MB21D2: variants seen among roughly 807,000 people sequenced by gnomAD.
The protein encoded by MB21D2 is Mab-21 domain containing 2.
A neutral mutation model predicts 33.3 loss-of-function variants in MB21D2; 9 were observed. The observed-to-expected ratio is 0.27, with a 90% confidence interval of 0.16 to 0.47. The LOEUF (loss-of-function observed/expected upper bound fraction) is 0.47, where lower values mean the gene tolerates loss of function less well. Ranked by LOEUF, MB21D2 falls within the 20% of genes least tolerant of loss-of-function variation. The probability of loss-of-function intolerance (pLI) is 0.99; values close to 1 mark genes in which losing one functional copy is unlikely to be tolerated. For missense variants in MB21D2, 540 were observed against 624.6 expected (o/e 0.86, Z 1.44); for synonymous variants, 241 against 236.3 (o/e 1.02, Z -0.18).
intron 1 of MB21D2, among the ~76,000 whole-genome samples, chr3:192,915,803 C>T (rs1714451254): frequency 6.6e-6 from 1 of 152,078 alleles, no homozygotes. Flanking sequence ...TTAAATTTAC[C>T]CTCCCTACAT....
intron 1 of MB21D2, among the ~76,000 whole-genome samples, chr3:192,876,177 C>T (rs764711047): frequency 1.3e-5 from 2 of 152,118 alleles, no homozygotes; most frequent in Non-Finnish European, 2.9e-5. Context: ...CCAGGCACTG[C>T]CAACTCAGCA....
At chr3:192,893,391 T>C (rs1244708133) in intron 1 of MB21D2, among the ~76,000 whole-genome samples, 1 of 152,138 alleles carries the variant, frequency 6.6e-6, no homozygotes, top group African/African-American at 2.4e-5. Context: ...GGTTTTGATA[T>C]CAGTAAGAGG....
At chr3:192,845,798 G>A (rs1046799714) in intron 1 of MB21D2, among the ~76,000 whole-genome samples, 9 of 152,320 alleles carry the variant, frequency 5.9e-5, no homozygotes, top group South Asian at 2.1e-4. Context: ...GTGGCTGGGG[G>A]CCAGGCGCGG....
intron 1 of MB21D2, among the ~76,000 whole-genome samples, chr3:192,915,183 C>G (rs952707670): frequency 6.6e-6 from 1 of 152,070 alleles, no homozygotes; most frequent in East Asian, 1.9e-4. Flanking sequence ...ACCCTCCACC[C>G]CCCCGCCCTG....
rs142595224 is a variant in MB21D2, at chr3:192,846,284, C to A, written c.212-46634G>T. 1.3e-3 allele frequency among the ~76,000 whole-genome samples: 203 copies of A among 152,056 alleles called. 1 individual carries two copies. Among genetic ancestry groups the A allele is most frequent in the African/African-American group, 4.6e-3 (189 of 41,478 alleles). On this transcript the variant is annotated intron_variant, in intron 1 of 1. Transcript: ENST00000392452. ...TGCACATCTGAGATACATAAAATAA[C>A]AGTAATAAAAACAAGAGTAATAACA...
intron 1 of MB21D2, among the ~76,000 whole-genome samples, chr3:192,820,944 T>A (rs529855075): frequency 2.6e-5 from 4 of 152,274 alleles, no homozygotes; most frequent in African/African-American, 7.2e-5. Flanking sequence ...TTATATATAT[T>A]TTTTGTAGAG....
chr3:192,815,612 AG>A (rs150578430), intron 1 of MB21D2, among the ~76,000 whole-genome samples: 9,773 of 152,240 alleles, frequency 0.064, 1,071 homozygotes, highest in African/African-American at 0.22. Context: ...TGAAGAGCTG[AG>A]ATTGGCTACT....
chr3:192,822,538 G>A (rs1308651406), intron 1 of MB21D2, among the ~76,000 whole-genome samples: 1 of 152,206 alleles, frequency 6.6e-6, no homozygotes, highest in African/African-American at 2.4e-5. Context: ...CCACCACGGG[G>A]AAGTGCTACT....
At chr3:192,917,426 A>T (rs1339990534) in intron 1 of MB21D2, among the ~76,000 whole-genome samples, 1 of 152,176 alleles carries the variant, frequency 6.6e-6, no homozygotes, top group Non-Finnish European at 1.5e-5. Context: ...ACCCGGCGTA[A>T]AGTATAGTAA....
chr3:192,797,703 T>C lies in MB21D2; in HGVS notation c.*683A>G, dbSNP rs1378301539. ...ATAATTACATATGCTAAAATTAACA[T>C]TTGGAAACCTTAATTCTGCTTGGAA... On this transcript the variant is annotated 3_prime_UTR_variant, in exon 2 of 2. Transcript: ENST00000392452. 1 of 152,620 alleles carries C rather than the reference T, an allele frequency of 6.6e-6. No homozygotes were observed. 9.5% of individuals were successfully genotyped at this position (152,620 alleles called of 1,614,324 possible). A position where few individuals can be genotyped will look rare whatever the true frequency, so the allele number is the denominator to read the frequency against.
At chr3:192,850,854 C>T (rs1050179153) in intron 1 of MB21D2, among the ~76,000 whole-genome samples, 1 of 152,206 alleles carries the variant, frequency 6.6e-6, no homozygotes, top group African/African-American at 2.4e-5. Context: ...CATTTAAGAC[C>T]TTTGTAACTT....
intron 1 of MB21D2, among the ~76,000 whole-genome samples, chr3:192,807,731 G>GTA (rs1329968081): frequency 2.0e-5 from 3 of 152,132 alleles, no homozygotes; most frequent in Admixed American, 2.0e-4. Context: ...CACACAGTAA[G>GTA]TATGAGCGTC....
intron 1 of MB21D2, among the ~76,000 whole-genome samples, chr3:192,909,266 AAT>A (rs1416581780): frequency 4.0e-5 from 6 of 150,052 alleles, no homozygotes; most frequent in East Asian, 1.9e-4. Flanking sequence ...AAAAAAAAAA[AAT>A]AAAAAATAAA....
intron 1 of MB21D2, among the ~76,000 whole-genome samples, chr3:192,811,745 T>C (rs532935830): frequency 6.6e-6 from 1 of 152,306 alleles, no homozygotes; most frequent in African/African-American, 2.4e-5. Flanking sequence ...CAGGCATTTC[T>C]TTCTTAAATT....
chr3:192,914,077 C>T (rs559329200), intron 1 of MB21D2, among the ~76,000 whole-genome samples: 98 of 152,118 alleles, frequency 6.4e-4, no homozygotes, highest in African/African-American at 2.3e-3. Context: ...AAAGCCTTTC[C>T]TCTGGATTTT....
At chr3:192,848,760 T>C (rs1712724044) in intron 1 of MB21D2, among the ~76,000 whole-genome samples, 1 of 152,210 alleles carries the variant, frequency 6.6e-6, no homozygotes, top group Non-Finnish European at 1.5e-5. Flanking sequence ...TAAGTACTAA[T>C]TTCTAAATCT....
chr3:192,835,861 C>T (rs1486826950), intron 1 of MB21D2, among the ~76,000 whole-genome samples: 3 of 151,390 alleles, frequency 2.0e-5, no homozygotes, highest in African/African-American at 7.3e-5. Flanking sequence ...AAAAAAAGGC[C>T]TTCCCTCAGA....
intron 1 of MB21D2, among the ~76,000 whole-genome samples, chr3:192,902,625 G>A (rs1191096358): frequency 6.6e-6 from 1 of 152,206 alleles, no homozygotes; most frequent in African/African-American, 2.4e-5. Context: ...TCAGTAAAAT[G>A]ATGGGGTGGA....
intron 1 of MB21D2, among the ~76,000 whole-genome samples, chr3:192,831,769 T>C (rs539924661): frequency 2.0e-5 from 3 of 152,216 alleles, no homozygotes; most frequent in Non-Finnish European, 4.4e-5. Context: ...ACAATTATTA[T>C]ACTTGTTCTG....
Sources: gnomAD v4.1 joint callset for allele counts (sites outside exome capture counted in the v4.1 genomes callset) on GRCh38, gnomAD v4.1.1 for gene constraint, MANE v1.5 for transcripts, NCBI Gene and HGNC (gene_info 2026-07-23, HGNC 2026-07-21) for gene names.